HYDIN: variants seen among roughly 807,000 people sequenced by gnomAD.
HYDIN encodes the protein axonemal central pair apparatus protein HYDIN.
In HYDIN, 132 loss-of-function variants were observed where a neutral mutation model predicts 403.9. The ratio of observed to expected loss-of-function variants is 0.33; its 90% CI spans 0.28 to 0.38. HYDIN has a LOEUF of 0.38. Among genes scored for constraint, HYDIN ranks in the 10% least tolerant of loss-of-function variants. The probability of loss-of-function intolerance (pLI) is 1.00; values close to 1 mark genes in which losing one functional copy is unlikely to be tolerated. For synonymous variants in HYDIN, 1,202 were observed against 1,891.7 expected, an observed-to-expected ratio of 0.64 and a Z score of 9.46; for missense variants, 2,827 against 5,009.5, an observed-to-expected ratio of 0.56 and a Z score of 13.15.
chr16:70,881,607 CAA>C (rs10711812), intron 60 of HYDIN, among the ~76,000 whole-genome samples: 69 of 130,676 alleles, frequency 5.3e-4, no homozygotes, highest in East Asian at 5.0e-3. Context: ...GACTCCGTCT[CAA>C]AAAAAAAAAA....
chr16:70,978,260 G>C (rs2078945608), intron 30 of HYDIN, among the ~76,000 whole-genome samples: 1 of 150,220 alleles, frequency 6.7e-6, no homozygotes, highest in African/African-American at 2.4e-5. Context: ...CCTAAGTCTT[G>C]ACCATTCCAC....
Position 70,807,898 on chromosome 16 carries a change from G to C in HYDIN, c.15048C>G (p.Pro5016=), listed in dbSNP as rs780988044. 1.3e-5 allele frequency: 21 copies of C among 1,613,982 alleles called. No individual in the cohort carries two copies. In the South Asian group the frequency reaches 2.3e-4, roughly 18 times the overall value. ...SSLAGGEYII[P]LFGMALPPKP... Reference sequence around the variant, plus strand: ...TGGGAGGCAGAGCCATTCCAAAGAGGGGGATGATATACTCTCCACCTGCGA... The same window carrying C: ...TGGGAGGCAGAGCCATTCCAAAGAGCGGGATGATATACTCTCCACCTGCGA... The change falls in exon 86 of 86, where the codon CCC becomes CCG. Residue 5016 remains proline, a synonymous_variant. Transcript: ENST00000393567.
intron 19 of HYDIN, among the ~76,000 whole-genome samples, chr16:71,028,078 T>C (rs1439580855): frequency 1.3e-5 from 2 of 148,572 alleles, no homozygotes; most frequent in African/African-American, 4.9e-5. Context: ...TAAGGGGCTG[T>C]GGAAAATCTC....
intron 22 of HYDIN, 55 bp downstream of exon 22, chr16:71,020,119 A>C: frequency 6.3e-7 from 1 of 1,582,010 alleles, no homozygotes; most frequent in Non-Finnish European, 8.6e-7. Flanking sequence ...CTCTTCCTTT[A>C]TCACACCCCG....
chr16:70,847,784 C>T (rs7203926), intron 75 of HYDIN, among the ~76,000 whole-genome samples: 1 of 151,682 alleles, frequency 6.6e-6, no homozygotes, highest in African/African-American at 2.4e-5. Context: ...TGAGTTTATC[C>T]CACTCAGAAT....
intron 18 of HYDIN, among the ~76,000 whole-genome samples, chr16:71,045,646 G>T (rs1275666840): frequency 1.6e-5 from 2 of 127,754 alleles, no homozygotes; most frequent in Non-Finnish European, 3.3e-5. Flanking sequence ...AAAATAAAAG[G>T]AAAGATGGTT....
rs563373836 is a variant in HYDIN, at chr16:71,204,907, A to G, written c.-23-17989T>C. On this transcript the variant is annotated intron_variant, in intron 1 of 85. Transcript: ENST00000393567. ...CAACTAACAGTTGAACCAACCATCC[A>G]TGTAAACACAATGAAAAGCTATAGG... Among the ~76,000 whole-genome samples, 18 of 152,344 alleles carry G rather than the reference A, an allele frequency of 1.2e-4. No individual in the cohort carries two copies. The East Asian group carries it at 3.3e-3, about 28-fold the overall frequency.
intron 1 of HYDIN, chr16:71,204,129 G>A (rs1433431435): frequency 5.7e-6 from 1 of 175,718 alleles, no homozygotes; most frequent in African/African-American, 2.4e-5. Flanking sequence ...CATTTTACAT[G>A]CATTTTCTCC....
rs1232078365 is a variant in HYDIN, at chr16:70,840,302, G to C, written c.12874-69C>G. 7 of 1,271,328 alleles carry C rather than the reference G, an allele frequency of 5.5e-6. 1 individual carries two copies. In the East Asian group the frequency reaches 1.7e-4, roughly 30 times the overall value. 78.8% of individuals were successfully genotyped at this position (1,271,328 alleles called of 1,614,324 possible). ...GGAGGAGAGGGCTCTTAAGTCCTCA[G>C]GTGAAGCAGGAAAGCAGTTGGTGCT... On this transcript the variant is annotated intron_variant, in intron 75 of 85. Transcript: ENST00000393567.
intron 30 of HYDIN, among the ~76,000 whole-genome samples, chr16:70,977,464 T>TCAAGTA (rs1236825643): frequency 6.7e-6 from 1 of 148,180 alleles, no homozygotes. Context: ...ACTTTTAGCA[T>TCAAGTA]CTTGTACTTG....
At chr16:71,174,131 A>G (rs2086571937) in intron 5 of HYDIN, among the ~76,000 whole-genome samples, 1 of 152,174 alleles carries the variant, frequency 6.6e-6, no homozygotes, top group South Asian at 2.1e-4. Flanking sequence ...ATTTCAGTAG[A>G]ACCTCAAACA....
chr16:71,031,061 G>A (rs112936985), intron 19 of HYDIN, among the ~76,000 whole-genome samples: 13,932 of 149,282 alleles, frequency 0.093, 651 homozygotes, highest in African/African-American at 0.17. Context: ...TTAGCCAGGC[G>A]TGGTGGTGGG....
chr16:71,175,420 C>T (rs985050403), intron 5 of HYDIN, among the ~76,000 whole-genome samples, 187 bp downstream of exon 5: 7 of 151,910 alleles, frequency 4.6e-5, no homozygotes, highest in African/African-American at 1.2e-4. Context: ...ACCACCACTA[C>T]CCACCACCCT....
At chr16:70,816,424 C>G (rs1597024985) in intron 84 of HYDIN, among the ~76,000 whole-genome samples, 1 of 144,552 alleles carries the variant, frequency 6.9e-6, no homozygotes, top group East Asian at 2.0e-4. Flanking sequence ...TGTATAACTG[C>G]TAAAGCAGTA....
intron 38 of HYDIN, among the ~76,000 whole-genome samples, chr16:70,960,760 TG>T (rs1333617179): frequency 6.6e-6 from 1 of 152,214 alleles, no homozygotes; most frequent in African/African-American, 2.4e-5. Flanking sequence ...GGCACAATCT[TG>T]GCTCACTGCA....
rs2035205759 is a variant in HYDIN, at chr16:70,808,000, G to T, written c.14946C>A (p.Gly4982=). 6.2e-7 allele frequency: 1 copy of T among 1,614,032 alleles called. No individual in the cohort carries two copies. Among genetic ancestry groups the T allele is most frequent in the African/African-American group, 1.3e-5 (1 of 75,006 alleles). ...LINAAPGGQG[G]TEASVEVLFE... is the part of the protein sequence containing the mutation. ...ATAAGACTTCCACACTGGCTTCAGT[G>T]CCTCCCTGGCCTCCTGGGGCTGCAT... The change falls in exon 86 of 86, where the codon GGC becomes GGA. Residue 4982 remains glycine (G), a synonymous_variant. Transcript: ENST00000393567.
intron 1 of HYDIN, among the ~76,000 whole-genome samples, chr16:71,223,618 C>G (rs1327147896): frequency 8.1e-6 from 1 of 123,088 alleles, no homozygotes; most frequent in Non-Finnish European, 1.6e-5. Context: ...GGAGCTCAAA[C>G]AAATCAGCAA....
intron 36 of HYDIN, among the ~76,000 whole-genome samples, chr16:70,968,916 T>C (rs999795747): frequency 8.7e-5 from 13 of 150,126 alleles, no homozygotes; most frequent in South Asian, 6.4e-4. Context: ...TTGAAGCAAA[T>C]AAAAAAAAGA....
Position 70,834,038 on chromosome 16 carries a change from C to G in HYDIN, c.13528G>C (p.Gly4510Arg), listed in dbSNP as rs749221561. 7.6e-5 allele frequency: 122 copies of G among 1,602,844 alleles called. No homozygotes were observed. Among genetic ancestry groups the G allele is most frequent in the Non-Finnish European group, 9.4e-5 (110 of 1,171,502 alleles). ...FSEEVFMECM[G>R]LLRPLFLLSG... Reference sequence around the variant, plus strand: ...AGGAGGAAGAGGGGGCGCAGGAGCCCCATGCATTCCATGAACACTTCCTCA... The same window carrying G: ...AGGAGGAAGAGGGGGCGCAGGAGCCGCATGCATTCCATGAACACTTCCTCA... Residue 4510 changes from glycine (G) to arginine (R), a missense_variant, in exon 79 of 86, where the codon GGG becomes CGG. Coordinates refer to ENST00000393567, the MANE Select transcript of HYDIN (RefSeq NM_001270974.2).
Sources: gnomAD v4.1 joint callset for allele counts (sites outside exome capture counted in the v4.1 genomes callset) on GRCh38, gnomAD v4.1.1 for gene constraint, MANE v1.5 for transcripts, NCBI Gene and HGNC (gene_info 2026-07-23, HGNC 2026-07-21) for gene names.